Variants in HBM observed in about 807,000 individuals in gnomAD.
The protein encoded by HBM is hemoglobin subunit mu, also known as alpha globin pseudogene 2.
A neutral mutation model predicts 12.8 loss-of-function variants in HBM; 9 were observed. The ratio of observed to expected loss-of-function variants is 0.70; its 90% CI spans 0.42 to 1.23. The LOEUF is 1.23. Among genes scored for constraint, HBM ranks in the 50% most tolerant of loss-of-function variants. HBM has a pLI of 0.00. For synonymous variants in HBM, 100 were observed against 92.0 expected (o/e 1.09, Z -0.50); for missense variants, 214 against 195.4 (o/e 1.10, Z -0.57).
intron 1 of HBM, 84 bp downstream of exon 1, chr16:166,173 C>T: frequency 7.0e-7 from 1 of 1,421,032 alleles, no homozygotes; most frequent in Non-Finnish European, 9.4e-7. Flanking sequence ...CATCCAAGGT[C>T]CTTCGGGTGC....
At position 166,106 on chromosome 16, in the gene HBM, T is replaced by A; in HGVS notation, c.92+17T>A. The A allele has an allele frequency of 6.4e-7, 1 of 1,574,784 alleles. No homozygotes were observed. The highest frequency in any genetic ancestry group is 1.8e-5 in the Admixed American group (1 of 56,788). On this transcript the variant is annotated intron_variant, in intron 1 of 2. Transcript: ENST00000356815. ...GCTGCTCAGGTCGGTAGAGGCGGGG[T>A]CTCCGGGAGCTCAGGGAGGTGGAGA...
At position 166,680 on chromosome 16, in the gene HBM, C is replaced by T; in HGVS notation, c.398C>T (p.Ala133Val). Residue 133 changes from alanine to valine, a missense_variant, in exon 3 of 3, where the codon GCC (alanine) becomes GTC (valine). By Grantham distance (64) the Ala-to-Val change is moderately conservative. Transcript: ENST00000356815. ...TGGGACAAGTTCCTGACTGGTGTGG[C>T]CGTGGTGCTGACCGAAAAATACCGC... ...AAWDKFLTGV[A>V]VVLTEKYR The T allele has an allele frequency of 6.2e-7, 1 of 1,614,128 alleles. No individual in the cohort carries two copies. The highest frequency in any genetic ancestry group is 8.5e-7 in the Non-Finnish European group (1 of 1,179,992).
Position 165,984 on chromosome 16 carries a change from C to A in HBM, c.-14C>A. 1.3e-6 allele frequency: 2 copies of A among 1,561,582 alleles called. No homozygotes were observed. The highest frequency in any genetic ancestry group is 1.7e-6 in the Non-Finnish European group (2 of 1,158,174). Reference sequence around the variant, plus strand: ...GGCGGCGGGCGCGGCCCCCAGAGCACGTCAGGCGGCGCCATGCTCAGCGCC... The same window carrying A: ...GGCGGCGGGCGCGGCCCCCAGAGCAAGTCAGGCGGCGCCATGCTCAGCGCC... On this transcript the variant is annotated 5_prime_UTR_variant, in exon 1 of 3. Coordinates refer to ENST00000356815, the MANE Select transcript of HBM (RefSeq NM_001003938.4).
intron 1 of HBM, 71 bp downstream of exon 1, chr16:166,160 C>G (rs1183243927): frequency 2.7e-6 from 4 of 1,472,606 alleles, no homozygotes; most frequent in Non-Finnish European, 3.7e-6. Flanking sequence ...GGGCCGCCAA[C>G]GCCATCCAAG....
intron 1 of HBM, 88 bp downstream of exon 1, chr16:166,177 C>T: frequency 7.1e-7 from 1 of 1,402,470 alleles, no homozygotes; most frequent in South Asian, 1.2e-5. Context: ...CAAGGTCCTT[C>T]GGGTGCGGAT....
chr16:166,152 GCC>G, intron 1 of HBM, 63 bp downstream of exon 1: 1 of 1,477,612 alleles, frequency 6.8e-7, no homozygotes, highest in Non-Finnish European at 9.2e-7. Flanking sequence ...GGGCGCGTGG[GCC>G]GCCAACGCCA....
rs776821733 is a variant in HBM, at chr16:166,577, C to A, written c.298-3C>A. ...CCCGTCTCACCGGCCCCTTCTCCTG[C>A]AGCTGCTAATCCAGTGTTTCCACGT... On this transcript the variant is annotated splice_region_variant and splice_polypyrimidine_tract_variant and intron_variant, in intron 2 of 2. Transcript: ENST00000356815. The A allele has an allele frequency of 1.2e-6, 2 of 1,612,854 alleles. No individual in the cohort carries two copies. The highest frequency in any genetic ancestry group is 1.7e-6 in the Non-Finnish European group (2 of 1,179,566).
rs1046137122 is a variant in HBM at position 166,015 on chromosome 16, G to C, written c.18G>C (p.Glu6Asp). The C allele has an allele frequency of 1.3e-6, 2 of 1,591,460 alleles. No individual in the cohort carries two copies. The highest frequency in any genetic ancestry group is 1.7e-6 in the Non-Finnish European group (2 of 1,173,842). MLSAQERAQIAQVWDL... is the reference protein window; with the variant it reads MLSAQDRAQIAQVWDL... ...GCGGCGCCATGCTCAGCGCCCAGGAGCGCGCCCAAATCGCGCAGGTCTGGG... is the reference window on the plus strand; with the variant it reads ...GCGGCGCCATGCTCAGCGCCCAGGACCGCGCCCAAATCGCGCAGGTCTGGG... The change falls in exon 1 of 3, where the codon GAG becomes GAC. Residue 6 changes from glutamate to aspartate, a missense_variant. Physicochemically the swap from Glu to Asp is conservative, Grantham distance 45. Coordinates refer to ENST00000356815, the MANE Select transcript of HBM (RefSeq NM_001003938.4).
In HBM at chr16:166,628, G is replaced by A. The variant is rs1901918947; in HGVS notation, c.346G>A (p.Glu116Lys). 3 of 1,614,098 alleles carry A rather than the reference G, an allele frequency of 1.9e-6. No homozygotes were observed. Among genetic ancestry groups the A allele is most frequent in the Non-Finnish European group, 2.5e-6 (3 of 1,180,006 alleles). Residue 116 changes from glutamate (E) to lysine (K), a missense_variant, in exon 3 of 3, where the codon GAG becomes AAG. Physicochemically the swap from Glu to Lys is moderately conservative, Grantham distance 56. Transcript: ENST00000356815. The stretch of plus-strand genomic sequence containing the variant: ...CGTGCTGGCCTCCCACCTGCAGGAC[G>A]AGTTCACCGTGCAAATGCAAGCGGC... ...HVVLASHLQDEFTVQMQAAWD... is the reference protein window; with the variant it reads ...HVVLASHLQDKFTVQMQAAWD...
rs548436387 is a variant in HBM, at chr16:166,488, C to A, written c.297+16C>A. The A allele has an allele frequency of 6.4e-7, 1 of 1,556,592 alleles. No homozygotes were observed. Among genetic ancestry groups the A allele is most frequent in the Non-Finnish European group, 8.7e-7 (1 of 1,153,454 alleles). ...CAACTTTCCGGTGAGGCCTTTCCGGCCGGGGCAATGGTGCAGCGCGCAGCC... is the reference window on the plus strand; with the variant it reads ...CAACTTTCCGGTGAGGCCTTTCCGGACGGGGCAATGGTGCAGCGCGCAGCC... On this transcript the variant is annotated intron_variant, in intron 2 of 2. Transcript: ENST00000356815.
In HBM at chr16:166,638, T is replaced by C. The variant is rs1264890026; in HGVS notation, c.356T>C (p.Val119Ala). The change falls in exon 3 of 3, where the codon GTG (valine) becomes GCG (alanine). Residue 119 changes from valine (V) to alanine (A), a missense_variant. Transcript: ENST00000356815. ...LASHLQDEFTVQMQAAWDKFL... is the reference protein window; with the variant it reads ...LASHLQDEFTAQMQAAWDKFL... Reference sequence around the variant, plus strand: ...TCCCACCTGCAGGACGAGTTCACCGTGCAAATGCAAGCGGCGTGGGACAAG... The same window carrying C: ...TCCCACCTGCAGGACGAGTTCACCGCGCAAATGCAAGCGGCGTGGGACAAG... 6.2e-7 allele frequency: 1 copy of C among 1,613,998 alleles called. No individual in the cohort carries two copies. Among genetic ancestry groups the C allele is most frequent in the Non-Finnish European group, 8.5e-7 (1 of 1,180,010 alleles).
intron 2 of HBM, 44 bp from the exon 3 acceptor site, chr16:166,536 C>A (rs1303609751): frequency 1.3e-6 from 2 of 1,599,174 alleles, no homozygotes; most frequent in South Asian, 1.1e-5. Flanking sequence ...CTCTGGGGGT[C>A]CCTAGCGGGG....
Position 166,307 on chromosome 16 carries a change from G to A in HBM, c.132G>A (p.Pro44=). 1.3e-6 allele frequency: 2 copies of A among 1,595,442 alleles called. No homozygotes were observed. The highest frequency in any genetic ancestry group is 2.2e-5 in the South Asian group (2 of 90,612). The stretch of plus-strand genomic sequence containing the variant: ...ACCCCAGCACCAAGGTCTACTTCCC[G>A]CACCTGAGCGCCTGCCAGGACGCGA... ...TVYPSTKVYF[P]HLSACQDATQ... is the part of the protein sequence containing the mutation. Residue 44 remains proline, a synonymous_variant, in exon 2 of 3, where the codon CCG becomes CCA. Coordinates refer to ENST00000356815, the MANE Select transcript of HBM (RefSeq NM_001003938.4).
Position 166,744 on chromosome 16 carries a change from A to G in HBM, c.*36A>G, listed in dbSNP as rs1901922109. 6.2e-7 allele frequency: 1 copy of G among 1,610,938 alleles called. No homozygotes were observed. Among genetic ancestry groups the G allele is most frequent in the Non-Finnish European group, 8.5e-7 (1 of 1,178,486 alleles). ...GCGCAGGCCTTGGTCTGTGCCTGTC[A>G]ATAAACAGAGGCCCGAACCATCTGC... On this transcript the variant is annotated 3_prime_UTR_variant, in exon 3 of 3. Coordinates refer to ENST00000356815, the MANE Select transcript of HBM (RefSeq NM_001003938.4).
chr16:166,188 C>CA, intron 1 of HBM, 80 bp from the exon 2 acceptor site: 1 of 1,387,972 alleles, frequency 7.2e-7, no homozygotes, highest in Non-Finnish European at 9.4e-7. Flanking sequence ...GGGTGCGGAT[C>CA]CCCGGGCTCT....
chr16:166,169 A>G (rs1901906951), intron 1 of HBM, 80 bp downstream of exon 1: 13 of 1,452,972 alleles, frequency 8.9e-6, no homozygotes, highest in Middle Eastern at 3.4e-4. Flanking sequence ...ACGCCATCCA[A>G]GGTCCTTCGG....
Position 166,359 on chromosome 16 carries a change from A to C in HBM, c.184A>C (p.Met62Leu). ...GCAGCTGCTGAGCCACGGGCAGCGC[A>C]TGCTGGCGGCTGTGGGCGCGGCGGT... ...ATQLLSHGQR[M>L]LAAVGAAVQH... The change falls in exon 2 of 3, where the codon ATG becomes CTG. Residue 62 changes from methionine (M) to leucine (L), a missense_variant. Coordinates refer to ENST00000356815, the MANE Select transcript of HBM (RefSeq NM_001003938.4). 6.3e-7 allele frequency: 1 copy of C among 1,590,100 alleles called. No individual in the cohort carries two copies. Among genetic ancestry groups the C allele is most frequent in the Non-Finnish European group, 8.5e-7 (1 of 1,176,308 alleles).
chr16:166,339 TG>T lies in HBM; in HGVS notation c.165del (p.Leu56Ter). ...HLSACQDATQ[L>X]LSHGQRMLAA... Reference sequence around the variant, plus strand: ...AGCGCCTGCCAGGACGCGACGCAGCTGCTGAGCCACGGGCAGCGCATGCTGG... The same window carrying T: ...AGCGCCTGCCAGGACGCGACGCAGCTCTGAGCCACGGGCAGCGCATGCTGG... On this transcript the variant is annotated frameshift_variant, in exon 2 of 3. Coordinates refer to ENST00000356815, the MANE Select transcript of HBM (RefSeq NM_001003938.4). LOFTEE classifies it high-confidence loss of function. 6.3e-7 allele frequency: 1 copy of T among 1,594,810 alleles called. No homozygotes were observed. The highest frequency in any genetic ancestry group is 8.5e-7 in the Non-Finnish European group (1 of 1,178,484).
chr16:166,502 C>T, intron 2 of HBM, 30 bp downstream of exon 2: 1 of 1,562,250 alleles, frequency 6.4e-7, no homozygotes, highest in Non-Finnish European at 8.7e-7. Context: ...GGCAATGGTG[C>T]AGCGCGCAGC....
Sources: gnomAD v4.1 joint callset for allele counts on GRCh38, gnomAD v4.1.1 for gene constraint, MANE v1.5 for transcripts, NCBI Gene and HGNC (gene_info 2026-07-23, HGNC 2026-07-21) for gene names.